SYNE3: variants seen among roughly 807,000 people sequenced by gnomAD.
SYNE3 encodes the protein nesprin-3.
SYNE3 carries 100 observed loss-of-function variants against 111.2 expected under a neutral mutation model. The ratio of observed to expected loss-of-function variants is 0.90; its 90% CI spans 0.77 to 1.06. The LOEUF (loss-of-function observed/expected upper bound fraction) is 1.06. Ranked by LOEUF, SYNE3 falls within the 50% of genes least tolerant of loss-of-function variation. SYNE3 has a pLI of 0.00. For missense variants in SYNE3, 1,160 were observed against 1,240.3 expected (o/e 0.94, Z 0.97); for synonymous variants, 547 against 533.9 (o/e 1.02, Z -0.34).
rs570289901 is a variant in SYNE3 at position 95,508,831 on chromosome 14, G to C, written c.-15+7765C>G. Among the ~76,000 whole-genome samples, 5 of 152,338 alleles carry C rather than the reference G, an allele frequency of 3.3e-5. No individual in the cohort carries two copies. The East Asian group carries it at 9.6e-4, about 29-fold the overall frequency. On this transcript the variant is annotated intron_variant, in intron 1 of 17. Coordinates refer to ENST00000682763, the MANE Select transcript of SYNE3 (RefSeq NM_152592.6). ...ACAGTCCCCTGAAGGGGGCCGCAGA[G>C]GGAGATGACACATATTGCACCTTCT...
chr14:95,480,170 G>A (rs1161610480), intron 1 of SYNE3, among the ~76,000 whole-genome samples: 2 of 152,252 alleles, frequency 1.3e-5, no homozygotes, highest in African/African-American at 2.4e-5. Flanking sequence ...TCCAAGCCCT[G>A]TCTGGGGACA....
intron 2 of SYNE3, among the ~76,000 whole-genome samples, chr14:95,471,159 C>T (rs528161262): frequency 3.9e-5 from 6 of 152,292 alleles, no homozygotes; most frequent in Admixed American, 3.3e-4. Flanking sequence ...GAAGCCTCCT[C>T]CACACCTGCT....
rs369148046 is a variant in SYNE3 at position 95,461,789 on chromosome 14, C to T, written c.627+4142G>A. On this transcript the variant is annotated intron_variant, in intron 4 of 17. Coordinates refer to ENST00000682763, the MANE Select transcript of SYNE3 (RefSeq NM_152592.6). ...AGTCAGACGACTGCCCCAAGAGAGA[C>T]CTTTTATGCAGGGGAGGTCTTCATC... Among the ~76,000 whole-genome samples, 45 of 152,342 alleles carry T rather than the reference C, an allele frequency of 3.0e-4. No individual in the cohort carries two copies. The East Asian group carries it at 8.5e-3, about 29-fold the overall frequency.
At chr14:95,504,891 C>T (rs1297665039) in intron 1 of SYNE3, among the ~76,000 whole-genome samples, 1 of 152,250 alleles carries the variant, frequency 6.6e-6, no homozygotes, top group Non-Finnish European at 1.5e-5. Context: ...AAGAAAGGCT[C>T]ACCGGCCAAC....
chr14:95,502,497 T>C (rs1890375099), intron 1 of SYNE3, among the ~76,000 whole-genome samples: 1 of 152,138 alleles, frequency 6.6e-6, no homozygotes, highest in South Asian at 2.1e-4. Flanking sequence ...CCAGTCACTG[T>C]CTTCCTTATC....
intron 11 of SYNE3, among the ~76,000 whole-genome samples, chr14:95,440,432 C>G (rs1316270021): frequency 6.6e-6 from 1 of 152,170 alleles, no homozygotes; most frequent in Non-Finnish European, 1.5e-5. Context: ...AGCTGATGGC[C>G]CAGCCATTCC....
chr14:95,494,846 C>A (rs1890016269), intron 1 of SYNE3, among the ~76,000 whole-genome samples: 1 of 152,220 alleles, frequency 6.6e-6, no homozygotes, highest in Admixed American at 6.5e-5. Flanking sequence ...GGCGCCGTGG[C>A]TCATGCCTGT....
chr14:95,490,007 C>T (rs1307835594), intron 1 of SYNE3, among the ~76,000 whole-genome samples: 2 of 152,246 alleles, frequency 1.3e-5, no homozygotes, highest in Non-Finnish European at 2.9e-5. Context: ...GCTCCCAAAC[C>T]CCAGTTTCCT....
chr14:95,416,456 T>C lies in SYNE3; in HGVS notation c.*1370A>G, dbSNP rs937916528. ...TACTTTTTTAAAGGGGAAAATTTAG[T>C]GTTGATTTAGGAAAAACATGATCCA... is the stretch of plus-strand genomic sequence containing the variant. On this transcript the variant is annotated 3_prime_UTR_variant, in exon 18 of 18. Transcript: ENST00000682763. 2 of 152,224 alleles carry C rather than the reference T, an allele frequency of 1.3e-5. No homozygotes were observed. Among genetic ancestry groups the C allele is most frequent in the Admixed American group, 6.5e-5 (1 of 15,290 alleles). The allele number at this position is 152,224 out of a possible 1,614,324, so 9.4% of individuals were successfully genotyped here.
chr14:95,471,940 C>T (rs1394952170), intron 2 of SYNE3, among the ~76,000 whole-genome samples: 1 of 152,174 alleles, frequency 6.6e-6, no homozygotes, highest in Non-Finnish European at 1.5e-5. Flanking sequence ...GACCAGGTGA[C>T]CCCCAGCTGA....
In SYNE3 at chr14:95,465,926, C is replaced by T. The variant is rs1055387146; in HGVS notation, c.627+5G>A. The stretch of plus-strand genomic sequence containing the variant: ...AGGATGTAGCCCACTCAGCCTCACC[C>T]TCACCTGGGCCTTGGCCTTCACTGC... On this transcript the variant is annotated splice_donor_5th_base_variant and intron_variant, in intron 4 of 17. Transcript: ENST00000682763. 2.6e-6 allele frequency: 4 copies of T among 1,565,346 alleles called. No homozygotes were observed. In the African/African-American group the frequency reaches 5.4e-5, roughly 21 times the overall value.
rs551475130 is a variant in SYNE3 at position 95,514,266 on chromosome 14, C to T, written c.-15+2330G>A. Among the ~76,000 whole-genome samples the T allele has an allele frequency of 9.9e-5, 15 of 152,278 alleles. No homozygotes were observed. In the East Asian group the frequency reaches 1.2e-3, roughly 12 times the overall value. On this transcript the variant is annotated intron_variant, in intron 1 of 17. Transcript: ENST00000682763. Reference sequence around the variant, plus strand: ...AGTTTTGAAGCAGAGGTCAGCTAGGCGGTGTAGGACACTGCTCCTGGGTTG... The same window carrying T: ...AGTTTTGAAGCAGAGGTCAGCTAGGTGGTGTAGGACACTGCTCCTGGGTTG...
At chr14:95,433,109 TC>T in intron 16 of SYNE3, 150 bp downstream of exon 16, 1 of 1,148,656 alleles carries the variant, frequency 8.7e-7, no homozygotes, top group Non-Finnish European at 1.2e-6. Context: ...CCCATGAGTG[TC>T]CCTGTCCTCT....
intron 5 of SYNE3, 77 bp from the exon 6 acceptor site, chr14:95,455,801 G>T: frequency 2.1e-6 from 3 of 1,423,556 alleles, no homozygotes; most frequent in Non-Finnish European, 2.9e-6. Context: ...GAGCAGACCT[G>T]GGACTGCCCT....
At chr14:95,513,608 C>T (rs1007619082) in intron 1 of SYNE3, among the ~76,000 whole-genome samples, 1 of 151,886 alleles carries the variant, frequency 6.6e-6, no homozygotes, top group Admixed American at 6.6e-5. Flanking sequence ...CACTTCCTAG[C>T]TTCCTAGCTG....
At position 95,443,305 on chromosome 14, in the gene SYNE3, G is replaced by A. The variant is rs758260243; in HGVS notation, c.1777-16C>T. On this transcript the variant is annotated splice_polypyrimidine_tract_variant and intron_variant, in intron 10 of 17. Coordinates refer to ENST00000682763, the MANE Select transcript of SYNE3 (RefSeq NM_152592.6). Reference sequence around the variant, plus strand: ...CCTGCAGCCCCTGCAGTAGAGAAGGGAACAGGTAGGCTAATCTTCCCACCT... The same window carrying A: ...CCTGCAGCCCCTGCAGTAGAGAAGGAAACAGGTAGGCTAATCTTCCCACCT... 2 of 1,614,014 alleles carry A rather than the reference G, an allele frequency of 1.2e-6. No homozygotes were observed. Among genetic ancestry groups the A allele is most frequent in the Admixed American group, 1.7e-5 (1 of 60,004 alleles).
At chr14:95,467,295 G>A (rs1888248166) in intron 3 of SYNE3, among the ~76,000 whole-genome samples, 1 of 152,266 alleles carries the variant, frequency 6.6e-6, no homozygotes, top group African/African-American at 2.4e-5. Context: ...AACCTTCAAG[G>A]AGCACTTGAT....
intron 1 of SYNE3, among the ~76,000 whole-genome samples, chr14:95,498,486 TGG>T (rs1324379335): frequency 6.6e-6 from 1 of 152,244 alleles, no homozygotes; most frequent in Non-Finnish European, 1.5e-5. Flanking sequence ...CCCAAAGTGA[TGG>T]GATTACAGGC....
At chr14:95,473,228 G>A (rs1888644728) in intron 2 of SYNE3, among the ~76,000 whole-genome samples, 1 of 152,184 alleles carries the variant, frequency 6.6e-6, no homozygotes. Flanking sequence ...CCCCCTCGGG[G>A]CTCACAGAAG....
Sources: allele counts gnomAD v4.1 joint callset (sites outside exome capture counted in the v4.1 genomes callset), GRCh38; gene constraint gnomAD v4.1.1; transcripts MANE v1.5; gene names NCBI Gene and HGNC (gene_info 2026-07-23, HGNC 2026-07-21).